The following MARCHF11 variants were observed in gnomAD, a reference collection of about 807,000 sequenced individuals.
MARCHF11 encodes E3 ubiquitin-protein ligase MARCHF11.
A neutral mutation model predicts 37.3 loss-of-function variants in MARCHF11; 29 were observed. That is an observed-to-expected ratio of 0.78 (90% CI 0.58 to 1.06). The LOEUF is 1.06. Ranked by LOEUF, MARCHF11 falls within the 50% of genes least tolerant of loss-of-function variation. MARCHF11 has a pLI of 0.00. For missense variants in MARCHF11, 482 were observed against 533.4 expected (o/e 0.90, Z 0.95); for synonymous variants, 233 against 228.0 (o/e 1.02, Z -0.20).
At chr5:16,154,908 G>A (rs539408773) in intron 2 of MARCHF11, among the ~76,000 whole-genome samples, 2 of 151,988 alleles carry the variant, frequency 1.3e-5, no homozygotes, top group Non-Finnish European at 2.9e-5. Flanking sequence ...CCAGCACACT[G>A]TTGATGGTGG....
chr5:16,130,173 T>G (rs1015192940), intron 2 of MARCHF11, among the ~76,000 whole-genome samples: 29 of 152,088 alleles, frequency 1.9e-4, no homozygotes, highest in African/African-American at 7.0e-4. Context: ...TGATTCATTT[T>G]GGAAATTTGG....
intron 2 of MARCHF11, among the ~76,000 whole-genome samples, chr5:16,148,898 C>G (rs2126596563): frequency 6.6e-6 from 1 of 152,222 alleles, no homozygotes; most frequent in African/African-American, 2.4e-5. Context: ...CTCAATAGTT[C>G]TCAGATAAAT....
intron 2 of MARCHF11, among the ~76,000 whole-genome samples, chr5:16,128,368 T>A (rs1737452679): frequency 1.3e-5 from 2 of 152,132 alleles, no homozygotes; most frequent in South Asian, 4.2e-4. Context: ...GGATCACGTT[T>A]GTCTGCAAGC....
intron 3 of MARCHF11, among the ~76,000 whole-genome samples, chr5:16,084,789 T>G (rs2126552292): frequency 6.6e-6 from 1 of 151,540 alleles, no homozygotes; most frequent in Non-Finnish European, 1.5e-5. Context: ...ATATAACTGG[T>G]ACAATAAGAA....
At chr5:16,113,194 G>A (rs1299856748) in intron 2 of MARCHF11, among the ~76,000 whole-genome samples, 2 of 152,124 alleles carry the variant, frequency 1.3e-5, no homozygotes, top group Admixed American at 6.5e-5. Context: ...AAAATCACCA[G>A]TAGATGCCAT....
chr5:16,159,423 C>G (rs556260619), intron 2 of MARCHF11, among the ~76,000 whole-genome samples: 1 of 151,994 alleles, frequency 6.6e-6, no homozygotes, highest in African/African-American at 2.4e-5. Flanking sequence ...GTACAACAAA[C>G]CAAGTTCTTT....
At chr5:16,119,791 C>A (rs938253621) in intron 2 of MARCHF11, among the ~76,000 whole-genome samples, 2 of 152,118 alleles carry the variant, frequency 1.3e-5, no homozygotes, top group African/African-American at 2.4e-5. Context: ...AGGCAAAAAA[C>A]CCCCCAAGGC....
chr5:16,068,347 T>C (rs963102030), intron 3 of MARCHF11, among the ~76,000 whole-genome samples: 1 of 152,230 alleles, frequency 6.6e-6, no homozygotes, highest in Admixed American at 6.5e-5. Flanking sequence ...ACAGTTACTT[T>C]AGAGCTTTAT....
chr5:16,164,707 T>C (rs1738141601), intron 2 of MARCHF11, among the ~76,000 whole-genome samples: 2 of 152,094 alleles, frequency 1.3e-5, no homozygotes, highest in South Asian at 4.1e-4. Context: ...AAAGTCCACA[T>C]GTTTTTGCCA....
intron 2 of MARCHF11, among the ~76,000 whole-genome samples, chr5:16,125,007 G>C (rs1014443411): frequency 2.9e-4 from 44 of 151,428 alleles, no homozygotes; most frequent in African/African-American, 1.0e-3. Context: ...CAGGAATGTT[G>C]GCTTGGCCAC....
chr5:16,085,542 T>C (rs556341781), intron 3 of MARCHF11, among the ~76,000 whole-genome samples: 11 of 143,186 alleles, frequency 7.7e-5, no homozygotes, highest in Non-Finnish European at 1.5e-4. Context: ...ATATCCATAG[T>C]TGGCATGGTA....
chr5:16,160,355 A>C (rs1349648518), intron 2 of MARCHF11, among the ~76,000 whole-genome samples: 2 of 144,726 alleles, frequency 1.4e-5, no homozygotes, highest in Non-Finnish European at 3.0e-5. Context: ...TATATATTAA[A>C]TATTTAATAT....
chr5:16,144,832 C>A lies in MARCHF11; in HGVS notation c.693+32894G>T, dbSNP rs370676770. Among the ~76,000 whole-genome samples the A allele has an allele frequency of 2.6e-5, 4 of 152,120 alleles. 1 individual carries two copies. The East Asian group carries it at 7.7e-4, about 29-fold the overall frequency. ...AGCAAACACTTAAATTAAGTAGGAA[C>A]GTGGGGATAGCTAACTTGATTTTTC... is the stretch of plus-strand genomic sequence containing the variant. On this transcript the variant is annotated intron_variant, in intron 2 of 3. Coordinates refer to ENST00000332432, the MANE Select transcript of MARCHF11 (RefSeq NM_001102562.3).
Position 16,068,606 on chromosome 5 carries a change from A to G in MARCHF11, c.887-813T>C, listed in dbSNP as rs531348114. Among the ~76,000 whole-genome samples, 13 of 152,324 alleles carry G rather than the reference A, an allele frequency of 8.5e-5. No homozygotes were observed. In the East Asian group the frequency reaches 2.1e-3, roughly 25 times the overall value. ...GACAGACTCTCAGGAAAATAAAGTA[A>G]TACAGCAAACTTGGAAACCGTTAAG... On this transcript the variant is annotated intron_variant, in intron 3 of 3. Coordinates refer to ENST00000332432, the MANE Select transcript of MARCHF11 (RefSeq NM_001102562.3).
intron 2 of MARCHF11, among the ~76,000 whole-genome samples, chr5:16,155,875 C>T (rs1284069474): frequency 6.6e-6 from 1 of 151,880 alleles, no homozygotes; most frequent in Non-Finnish European, 1.5e-5. Context: ...TTTCTGAGCT[C>T]ACCAAAAGTT....
intron 2 of MARCHF11, among the ~76,000 whole-genome samples, chr5:16,170,148 A>C (rs1738234886): frequency 1.3e-5 from 2 of 152,106 alleles, no homozygotes; most frequent in African/African-American, 2.4e-5. Flanking sequence ...CACACCAAAA[A>C]TTTATATCCA....
At chr5:16,085,630 A>ATGTAAAAG (rs1434926396) in intron 3 of MARCHF11, among the ~76,000 whole-genome samples, 3 of 152,018 alleles carry the variant, frequency 2.0e-5, no homozygotes, top group Admixed American at 6.6e-5. Context: ...TTAGTTGGCA[A>ATGTAAAAG]TGTAAAAGGA....
chr5:16,115,323 TCTCACATTGTGGGTG>T (rs1006797401), intron 2 of MARCHF11, among the ~76,000 whole-genome samples: 4 of 152,196 alleles, frequency 2.6e-5, no homozygotes, highest in African/African-American at 9.6e-5. Flanking sequence ...CGTCCGTGAA[TCTCACATTGTGGGTG>T]CTGGCTTCCT....
At chr5:16,091,959 A>C (rs1736796799) in intron 2 of MARCHF11, among the ~76,000 whole-genome samples, 1 of 152,216 alleles carries the variant, frequency 6.6e-6, no homozygotes, top group South Asian at 2.1e-4. Flanking sequence ...TGAAACTCAA[A>C]ACAACCCGCA....
Sources: allele counts gnomAD v4.1 joint callset (sites outside exome capture counted in the v4.1 genomes callset), GRCh38; gene constraint gnomAD v4.1.1; transcripts MANE v1.5; gene names NCBI Gene and HGNC (gene_info 2026-07-23, HGNC 2026-07-21).